VPS13B: variants seen among roughly 807,000 people sequenced by gnomAD.
The protein encoded by VPS13B is vacuolar protein sorting 13 homolog B, also known as intermembrane lipid transfer protein VPS13B.
In VPS13B, 285 loss-of-function variants were observed where a neutral mutation model predicts 426.4. The observed-to-expected ratio is 0.67, with a 90% CI of 0.61 to 0.74. VPS13B has a LOEUF of 0.74. Ranked by LOEUF, VPS13B falls within the 30% of genes least tolerant of loss-of-function variation. The pLI, the probability that VPS13B is intolerant of heterozygous loss-of-function variation, is 0.00. For synonymous variants in VPS13B, 1,676 were observed against 1,676.4 expected, an observed-to-expected ratio of 1.00 and a Z score of 0.01; for missense variants, 4,537 against 4,782.6, an observed-to-expected ratio of 0.95 and a Z score of 1.51.
At chr8:99,815,733 T>C (rs1275286680) in intron 44 of VPS13B, among the ~76,000 whole-genome samples, 3 of 152,196 alleles carry the variant, frequency 2.0e-5, no homozygotes, top group South Asian at 2.1e-4. Flanking sequence ...TCTCCAATCA[T>C]GGTGAATATT....
intron 17 of VPS13B, among the ~76,000 whole-genome samples, chr8:99,266,050 C>T (rs1818279659): frequency 6.6e-6 from 1 of 152,124 alleles, no homozygotes; most frequent in Admixed American, 6.6e-5. Flanking sequence ...TTTACTTCCA[C>T]AGAGATATAC....
chr8:99,171,479 A>T (rs1812326450), intron 16 of VPS13B, among the ~76,000 whole-genome samples: 1 of 152,074 alleles, frequency 6.6e-6, no homozygotes, highest in Non-Finnish European at 1.5e-5. Flanking sequence ...TCTTTAAAAA[A>T]GTCCATATTT....
chr8:99,818,374 G>A (rs1037954563), intron 45 of VPS13B, 77 bp from the exon 46 acceptor site: 7 of 1,362,896 alleles, frequency 5.1e-6, no homozygotes, highest in Non-Finnish European at 7.3e-6. Context: ...CTTCCAAACT[G>A]ATGTATCTGT....
intron 54 of VPS13B, among the ~76,000 whole-genome samples, chr8:99,841,510 G>A (rs1815682545): frequency 6.6e-6 from 1 of 152,190 alleles, no homozygotes; most frequent in Non-Finnish European, 1.5e-5. Flanking sequence ...TTGAATGCCT[G>A]TTTTATCTCA....
chr8:99,136,316 G>A (rs1810066692), intron 11 of VPS13B, among the ~76,000 whole-genome samples: 1 of 151,986 alleles, frequency 6.6e-6, no homozygotes, highest in South Asian at 2.1e-4. Context: ...ATGATATGAA[G>A]TATTTAAGGA....
At chr8:99,087,910 G>T (rs376382726) in intron 3 of VPS13B, among the ~76,000 whole-genome samples, 2 of 151,926 alleles carry the variant, frequency 1.3e-5, no homozygotes, top group African/African-American at 4.8e-5. Flanking sequence ...TAGGCTGGGC[G>T]CAGTGGCTCA....
At chr8:99,756,103 A>C (rs1241510068) in intron 39 of VPS13B, among the ~76,000 whole-genome samples, 2 of 152,166 alleles carry the variant, frequency 1.3e-5, no homozygotes, top group Non-Finnish European at 2.9e-5. Flanking sequence ...AAAAAGCTTA[A>C]GTATAGGAAT....
At chr8:99,829,771 T>C (rs1814939709) in intron 51 of VPS13B, among the ~76,000 whole-genome samples, 1 of 152,244 alleles carries the variant, frequency 6.6e-6, no homozygotes, top group South Asian at 2.1e-4. Context: ...GACCTTCAGA[T>C]GGAGTTTTTG....
intron 29 of VPS13B, among the ~76,000 whole-genome samples, 167 bp from the exon 30 acceptor site, chr8:99,520,731 AG>A (rs1469046695): frequency 1.3e-5 from 2 of 152,126 alleles, no homozygotes; most frequent in African/African-American, 4.8e-5. Context: ...AGTTAAGAAA[AG>A]CATCAAAGAT....
intron 35 of VPS13B, among the ~76,000 whole-genome samples, chr8:99,679,334 A>G (rs1478990402): frequency 6.6e-6 from 1 of 152,232 alleles, no homozygotes; most frequent in Non-Finnish European, 1.5e-5. Flanking sequence ...GAGTAGTGGA[A>G]TATAGTTATC....
chr8:99,031,906 G>A (rs1004229137), intron 2 of VPS13B, among the ~76,000 whole-genome samples: 3 of 152,268 alleles, frequency 2.0e-5, no homozygotes, highest in Non-Finnish European at 4.4e-5. Context: ...AAATGATATA[G>A]TACTGCAGCA....
intron 30 of VPS13B, among the ~76,000 whole-genome samples, chr8:99,544,619 T>C (rs1823854036): frequency 6.6e-6 from 1 of 152,146 alleles, no homozygotes; most frequent in South Asian, 2.1e-4. Context: ...ACCTACCGCT[T>C]TTTGCTTATG....
chr8:99,765,618 G>A (rs1465420132), intron 39 of VPS13B, among the ~76,000 whole-genome samples: 1 of 152,232 alleles, frequency 6.6e-6, no homozygotes, highest in Non-Finnish European at 1.5e-5. Flanking sequence ...AGTCCCACAA[G>A]CGTGATGCAG....
intron 3 of VPS13B, among the ~76,000 whole-genome samples, chr8:99,060,007 A>G (rs1844093238): frequency 6.6e-6 from 1 of 152,080 alleles, no homozygotes; most frequent in African/African-American, 2.4e-5. Context: ...AAGTGCTGGG[A>G]TTATAGGCGT....
At chr8:99,787,220 G>T (rs1400590849) in intron 43 of VPS13B, among the ~76,000 whole-genome samples, 1 of 152,100 alleles carries the variant, frequency 6.6e-6, no homozygotes, top group African/African-American at 2.4e-5. Context: ...TTTCAAAGAG[G>T]TCAAGATATC....
intron 33 of VPS13B, chr8:99,613,686 A>T (rs1300346167): frequency 6.6e-6 from 1 of 152,224 alleles, no homozygotes; most frequent in Admixed American, 6.5e-5. Flanking sequence ...ATGACAGGTT[A>T]TAGAAATGTA....
At chr8:99,251,609 T>C (rs572981005) in intron 17 of VPS13B, among the ~76,000 whole-genome samples, 4 of 152,310 alleles carry the variant, frequency 2.6e-5, no homozygotes, top group African/African-American at 9.6e-5. Context: ...CGTATTTATA[T>C]TGATGAGGAA....
At chr8:99,599,456 G>A (rs1450435625) in intron 33 of VPS13B, among the ~76,000 whole-genome samples, 3 of 151,972 alleles carry the variant, frequency 2.0e-5, no homozygotes, top group South Asian at 2.1e-4. Flanking sequence ...TAGGAAAATC[G>A]GTTCTAACTA....
intron 25 of VPS13B, among the ~76,000 whole-genome samples, chr8:99,501,439 T>C (rs1821229313): frequency 6.6e-6 from 1 of 152,194 alleles, no homozygotes; most frequent in African/African-American, 2.4e-5. Context: ...TCTTAACCTT[T>C]TCTAGATCTT....
Sources: allele counts gnomAD v4.1 joint callset (sites outside exome capture counted in the v4.1 genomes callset), GRCh38; gene constraint gnomAD v4.1.1; transcripts MANE v1.5; gene names NCBI Gene and HGNC (gene_info 2026-07-23, HGNC 2026-07-21).